NFIB: variants seen among roughly 807,000 people sequenced by gnomAD.
The protein encoded by NFIB is nuclear factor 1 B-type.
A neutral mutation model predicts 61.5 loss-of-function variants in NFIB; 11 were observed. The ratio of observed to expected loss-of-function variants is 0.18; its 90% CI spans 0.11 to 0.30. The LOEUF is 0.30. NFIB is among the 10% of genes least tolerant of loss of function. The pLI is 1.00. For missense variants in NFIB, 471 were observed against 608.9 expected (o/e 0.77, Z 2.38); for synonymous variants, 260 against 216.5 (o/e 1.20, Z -1.76).
intron 2 of NFIB, among the ~76,000 whole-genome samples, chr9:14,306,509 C>T (rs1171324805): frequency 1.3e-5 from 2 of 151,734 alleles, no homozygotes; most frequent in African/African-American, 4.8e-5. Flanking sequence ...ATTTTCAGTG[C>T]GATACCACTA....
chr9:14,131,400 G>T (rs1288898379), intron 6 of NFIB, among the ~76,000 whole-genome samples: 2 of 152,162 alleles, frequency 1.3e-5, no homozygotes, highest in Admixed American at 6.5e-5. Flanking sequence ...CCTAGGCCTT[G>T]ATGTGTTATT....
intron 2 of NFIB, among the ~76,000 whole-genome samples, chr9:14,279,376 C>A (rs1385858190): frequency 6.6e-6 from 1 of 151,974 alleles, no homozygotes; most frequent in Non-Finnish European, 1.5e-5. Context: ...AAGTTGTATC[C>A]CCTTCCCACT....
intron 1 of NFIB, among the ~76,000 whole-genome samples, chr9:14,374,336 A>C (rs2061392304): frequency 6.6e-6 from 1 of 152,228 alleles, no homozygotes; most frequent in African/African-American, 2.4e-5. Flanking sequence ...CTGGGGACAC[A>C]TAATGGAGTT....
chr9:14,479,198 A>G, the NFIB span, among the ~76,000 whole-genome samples: 5 of 152,258 alleles, frequency 3.3e-5, no homozygotes, highest in African/African-American at 4.8e-5. Context: ...CTAATCTTAC[A>G]GACAATCACT....
chr9:14,173,771 T>C (rs1201185093), intron 3 of NFIB, among the ~76,000 whole-genome samples: 2 of 152,218 alleles, frequency 1.3e-5, no homozygotes, highest in Non-Finnish European at 2.9e-5. Context: ...TGTTATCTGA[T>C]AGAGTAGGTG....
chr9:14,323,642 A>G (rs1015736535), intron 1 of NFIB, among the ~76,000 whole-genome samples: 11 of 152,224 alleles, frequency 7.2e-5, no homozygotes, highest in African/African-American at 2.7e-4. Flanking sequence ...ATTACCAGTG[A>G]GACTAGAATA....
rs376442327 is a variant in NFIB at position 14,218,697 on chromosome 9, T to C, written c.563-38917A>G. Among the ~76,000 whole-genome samples, 4 of 152,332 alleles carry C rather than the reference T, an allele frequency of 2.6e-5. No homozygotes were observed. In the South Asian group the frequency reaches 6.2e-4, roughly 24 times the overall value. On this transcript the variant is annotated intron_variant, in intron 2 of 10. Coordinates refer to ENST00000380953, the MANE Select transcript of NFIB (RefSeq NM_001190737.2). ...TACCAACCAGATTTGGTTGGGGGTT[T>C]GGCATCTGAAATGTACTCTTTTCCC...
At chr9:14,460,310 T>C in the NFIB span, among the ~76,000 whole-genome samples, 3 of 148,470 alleles carry the variant, frequency 2.0e-5, no homozygotes, top group African/African-American at 5.0e-5. Flanking sequence ...TAGGTGGGAA[T>C]TGAACAATGA....
chr9:14,348,811 G>C (rs2061067581), intron 1 of NFIB, among the ~76,000 whole-genome samples: 1 of 152,246 alleles, frequency 6.6e-6, no homozygotes. Flanking sequence ...TGTGCTCTGT[G>C]CTGGGCCCCT....
chr9:14,303,637 G>C (rs924606043), intron 2 of NFIB, among the ~76,000 whole-genome samples: 10 of 152,174 alleles, frequency 6.6e-5, no homozygotes, highest in African/African-American at 2.2e-4. Flanking sequence ...ACTTTCCAGT[G>C]TGCCCACTGC....
chr9:14,219,783 T>C (rs2051414359), intron 2 of NFIB, among the ~76,000 whole-genome samples: 2 of 152,186 alleles, frequency 1.3e-5, no homozygotes, highest in African/African-American at 4.8e-5. Flanking sequence ...GTTCTTCAGA[T>C]GACAAGAAAG....
intron 3 of NFIB, among the ~76,000 whole-genome samples, chr9:14,166,292 T>C (rs1243703484): frequency 6.6e-6 from 1 of 152,204 alleles, no homozygotes; most frequent in African/African-American, 2.4e-5. Flanking sequence ...AGTAACATTT[T>C]TGCAAATAAA....
chr9:14,500,317 G>C, the NFIB span, among the ~76,000 whole-genome samples: 1 of 152,178 alleles, frequency 6.6e-6, no homozygotes, highest in East Asian at 1.9e-4. Context: ...TAGGAAAGAA[G>C]ACTATTCCAG....
chr9:14,479,253 C>G, the NFIB span, among the ~76,000 whole-genome samples: 1 of 152,160 alleles, frequency 6.6e-6, no homozygotes, highest in African/African-American at 2.4e-5. Context: ...TTGCAGGGGG[C>G]TCTGGGAGTG....
chr9:14,486,249 G>A, the NFIB span, among the ~76,000 whole-genome samples: 20 of 152,266 alleles, frequency 1.3e-4, no homozygotes, highest in African/African-American at 2.9e-4. Flanking sequence ...CCAAATGTCC[G>A]GAGAGTGAGG....
At chr9:14,193,270 T>A (rs2048145303) in intron 2 of NFIB, among the ~76,000 whole-genome samples, 2 of 152,022 alleles carry the variant, frequency 1.3e-5, no homozygotes, top group African/African-American at 4.8e-5. Context: ...TTTAACAAGT[T>A]TTTTCTTGTG....
intron 2 of NFIB, among the ~76,000 whole-genome samples, chr9:14,202,247 C>G (rs1351323195): frequency 6.6e-6 from 1 of 151,684 alleles, no homozygotes; most frequent in African/African-American, 2.4e-5. Flanking sequence ...CCACAGACTG[C>G]AAAAGCATTG....
At chr9:14,493,831 T>A in the NFIB span, among the ~76,000 whole-genome samples, 114 of 152,322 alleles carry the variant, frequency 7.5e-4, 1 homozygote, top group Middle Eastern at 6.8e-3. Flanking sequence ...TAGGTAAAGG[T>A]TGTTTCACAA....
chr9:14,449,328 C>T, the NFIB span, among the ~76,000 whole-genome samples: 2 of 152,112 alleles, frequency 1.3e-5, no homozygotes, highest in African/African-American at 2.4e-5. Context: ...GAGCTAAAAC[C>T]TACTGATGCC....
Sources: gnomAD v4.1 joint callset for allele counts (sites outside exome capture counted in the v4.1 genomes callset) on GRCh38, gnomAD v4.1.1 for gene constraint, MANE v1.5 for transcripts, NCBI Gene and HGNC (gene_info 2026-07-23, HGNC 2026-07-21) for gene names.